DIAPH2: variants seen among roughly 807,000 people sequenced by gnomAD.
DIAPH2 encodes the protein diaphanous related formin 2.
DIAPH2 carries 35 observed loss-of-function variants against 92.7 expected under a neutral mutation model. The ratio of observed to expected loss-of-function variants is 0.38; its 90% CI spans 0.29 to 0.50. DIAPH2 has a LOEUF of 0.50. DIAPH2 is among the 20% of genes least tolerant of loss of function. The pLI is 0.94. For missense variants in DIAPH2, 701 were observed against 819.5 expected, an observed-to-expected ratio of 0.86 and a Z score of 1.77; for synonymous variants, 301 against 280.4, an observed-to-expected ratio of 1.07 and a Z score of -0.73.
chrX:96,759,500 G>A (rs1405095218), intron 4 of DIAPH2, among the ~76,000 whole-genome samples: 1 of 111,799 alleles, frequency 8.9e-6, no homozygotes, highest in Admixed American at 9.5e-5. Context: ...GTGATGCATA[G>A]GGTTTTACTT....
chrX:96,932,824 T>C, intron 10 of DIAPH2, among the ~76,000 whole-genome samples: 1 of 111,202 alleles, frequency 9.0e-6, no homozygotes, highest in Non-Finnish European at 1.9e-5. Context: ...GTAATACAAA[T>C]AATTATGAAC....
At chrX:96,809,079 C>T (rs2064652567) in intron 4 of DIAPH2, among the ~76,000 whole-genome samples, 1 of 111,210 alleles carries the variant, frequency 9.0e-6, no homozygotes, top group Non-Finnish European at 1.9e-5. Context: ...AATATTGTTT[C>T]CTTGATATTG....
intron 17 of DIAPH2, among the ~76,000 whole-genome samples, chrX:97,063,845 A>G (rs756341178): frequency 8.9e-6 from 1 of 112,317 alleles, no homozygotes; most frequent in South Asian, 3.7e-4. Context: ...TTTGGAAACT[A>G]TGGTCTGCAG....
At chrX:97,510,352 T>G (rs1293006640) in intron 26 of DIAPH2, among the ~76,000 whole-genome samples, 106 of 110,019 alleles carry the variant, frequency 9.6e-4, no homozygotes, top group African/African-American at 3.4e-3. Context: ...TTTTTGATGG[T>G]GTTGTTTGTT....
At chrX:96,973,584 T>G (rs1353818859) in intron 17 of DIAPH2, among the ~76,000 whole-genome samples, 2 of 111,462 alleles carry the variant, frequency 1.8e-5, no homozygotes, top group East Asian at 5.6e-4. Flanking sequence ...AACATAATAT[T>G]TAGGTATTAT....
intron 26 of DIAPH2, among the ~76,000 whole-genome samples, chrX:97,567,119 G>A (rs995525194): frequency 3.6e-5 from 4 of 111,886 alleles, no homozygotes; most frequent in African/African-American, 1.3e-4. Context: ...GATGTTCATT[G>A]TTTGTGATGT....
intron 4 of DIAPH2, among the ~76,000 whole-genome samples, chrX:96,780,832 A>G (rs2064412283): frequency 1.0e-5 from 1 of 99,569 alleles, no homozygotes; most frequent in Non-Finnish European, 2.0e-5. Flanking sequence ...TTTTCGATGA[A>G]GTCTCGCTTT....
At chrX:97,287,523 G>C (rs1268144246) in intron 23 of DIAPH2, among the ~76,000 whole-genome samples, 1 of 109,617 alleles carries the variant, frequency 9.1e-6, no homozygotes, top group African/African-American at 3.3e-5. Context: ...TATATCAGTA[G>C]GCTATATAAA....
intron 20 of DIAPH2, among the ~76,000 whole-genome samples, chrX:97,103,500 G>A (rs974421905): frequency 9.0e-6 from 1 of 111,004 alleles, no homozygotes; most frequent in Non-Finnish European, 1.9e-5. Flanking sequence ...AAATAAGAAA[G>A]GCCCTTAAAT....
At chrX:96,937,399 G>A (rs1404592444) in intron 11 of DIAPH2, 48 bp downstream of exon 11, 17 of 789,629 alleles carry the variant, frequency 2.2e-5, no homozygotes, top group Non-Finnish European at 2.7e-5. Context: ...TTGTGAGAAA[G>A]GGATTTGTGG....
intron 4 of DIAPH2, among the ~76,000 whole-genome samples, chrX:96,842,233 G>C (rs931985510): frequency 9.0e-6 from 1 of 111,673 alleles, no homozygotes; most frequent in South Asian, 3.8e-4. Context: ...TCCATAAAGA[G>C]TAATTAGAGT....
chrX:97,061,536 C>T (rs760936653), intron 17 of DIAPH2, among the ~76,000 whole-genome samples: 1 of 111,465 alleles, frequency 9.0e-6, no homozygotes, highest in South Asian at 3.8e-4. Flanking sequence ...GGGCTGGACA[C>T]AGTGGCTTAC....
At position 96,812,596 on chromosome X, in the gene DIAPH2, C is replaced by A. The variant is rs758857269; in HGVS notation, c.447+54338C>A. Among the ~76,000 whole-genome samples the A allele has an allele frequency of 6.2e-3, 689 of 111,633 alleles. 6 individuals carry two copies. The highest frequency in any genetic ancestry group is 0.022 in the African/African-American group (666 of 30,674). On this transcript the variant is annotated intron_variant, in intron 4 of 26. Coordinates refer to ENST00000324765, the MANE Select transcript of DIAPH2 (RefSeq NM_006729.5). Reference sequence around the variant, plus strand: ...TTTGTTTACTCTCGCTTCTCTAGTTCTTTTAATTGTGATATTAGGGTGTCA... The same window carrying A: ...TTTGTTTACTCTCGCTTCTCTAGTTATTTTAATTGTGATATTAGGGTGTCA...
At chrX:97,334,472 A>AAAAAAAAAC (rs1556028856) in intron 23 of DIAPH2, among the ~76,000 whole-genome samples, 18 of 84,412 alleles carry the variant, frequency 2.1e-4, no homozygotes, top group Non-Finnish European at 3.1e-4. Context: ...CAAAAAAAAA[A>AAAAAAAAAC]AAAAAACAAA....
Position 96,965,497 on chromosome X carries a change from C to A in DIAPH2, c.2050+290C>A, listed in dbSNP as rs561554143. 1.1e-4 allele frequency among the ~76,000 whole-genome samples: 12 copies of A among 111,024 alleles called. No homozygotes were observed. The South Asian group carries it at 4.6e-3, about 42-fold the overall frequency. On this transcript the variant is annotated intron_variant, in intron 17 of 26. Coordinates refer to ENST00000324765, the MANE Select transcript of DIAPH2 (RefSeq NM_006729.5). ...CTCCATTATAAAATAGTCGTTTTTA[C>A]TGAGAAGCAGGGAAGATGAATCCGT...
chrX:97,298,793 A>G (rs779731493), intron 23 of DIAPH2, among the ~76,000 whole-genome samples: 1 of 108,195 alleles, frequency 9.2e-6, no homozygotes, highest in Admixed American at 1.0e-4. Context: ...TTTTTTTTGT[A>G]TTTTTTAGTA....
At chrX:97,259,773 CT>C (rs1330143683) in intron 23 of DIAPH2, among the ~76,000 whole-genome samples, 5 of 112,280 alleles carry the variant, frequency 4.5e-5, no homozygotes, top group African/African-American at 1.6e-4. Flanking sequence ...TTGAAAAGAT[CT>C]TTTATCTTCT....
chrX:97,530,339 G>A (rs1255703828), intron 26 of DIAPH2, among the ~76,000 whole-genome samples: 2 of 111,740 alleles, frequency 1.8e-5, no homozygotes, highest in Non-Finnish European at 3.8e-5. Context: ...AGAAAATAAT[G>A]TTCAGGGCCC....
intron 22 of DIAPH2, among the ~76,000 whole-genome samples, chrX:97,184,934 A>G (rs2067567736): frequency 2.7e-5 from 3 of 109,258 alleles, no homozygotes; most frequent in Non-Finnish European, 5.7e-5. Flanking sequence ...TAAATGTCCA[A>G]TGACATGGAA....
Sources: gnomAD v4.1 joint callset for allele counts (sites outside exome capture counted in the v4.1 genomes callset) on GRCh38, gnomAD v4.1.1 for gene constraint, MANE v1.5 for transcripts, NCBI Gene and HGNC (gene_info 2026-07-23, HGNC 2026-07-21) for gene names.